Variants in TMTC2 observed in about 807,000 individuals in gnomAD.
TMTC2 encodes the protein protein O-mannosyl-transferase TMTC2.
TMTC2 carries 43 observed loss-of-function variants against 82.4 expected under a neutral mutation model. That is an observed-to-expected ratio of 0.52 (90% CI 0.41 to 0.67). The LOEUF is 0.67. TMTC2 is among the 30% of genes least tolerant of loss of function. TMTC2 has a pLI of 0.00. For missense variants in TMTC2, 919 were observed against 1,012.4 expected, an observed-to-expected ratio of 0.91 and a Z score of 1.25; for synonymous variants, 408 against 381.9, an observed-to-expected ratio of 1.07 and a Z score of -0.80.
chr12:82,745,930 C>A (rs1471488047), intron 1 of TMTC2, among the ~76,000 whole-genome samples: 1 of 152,096 alleles, frequency 6.6e-6, no homozygotes, highest in Non-Finnish European at 1.5e-5. Context: ...TGTGGCAGAA[C>A]GATTTGTTCT....
intron 1 of TMTC2, among the ~76,000 whole-genome samples, chr12:82,853,251 T>C (rs895259335): frequency 1.5e-4 from 23 of 152,100 alleles, no homozygotes; most frequent in African/African-American, 5.3e-4. Flanking sequence ...TATAGGTGCC[T>C]GCCACCATGC....
intron 3 of TMTC2, among the ~76,000 whole-genome samples, chr12:82,924,491 T>C (rs1875583684): frequency 6.6e-6 from 1 of 152,180 alleles, no homozygotes; most frequent in Non-Finnish European, 1.5e-5. Context: ...GGTAATTGTG[T>C]ATAATTGTGT....
chr12:83,104,294 C>T (rs759870107), intron 11 of TMTC2, among the ~76,000 whole-genome samples: 22 of 152,270 alleles, frequency 1.4e-4, no homozygotes, highest in Non-Finnish European at 2.4e-4. Context: ...GGCAGTGCCC[C>T]GTGGGGGGTT....
intron 8 of TMTC2, among the ~76,000 whole-genome samples, chr12:83,029,700 G>A (rs901012035): frequency 2.6e-5 from 4 of 152,110 alleles, no homozygotes; most frequent in Admixed American, 1.3e-4. Context: ...ACTGCTCCAG[G>A]CAAGTGCTTA....
In TMTC2 at chr12:82,971,781, T is replaced by TA. The variant is rs774765589; in HGVS notation, c.1948+4786dup. Among the ~76,000 whole-genome samples, 16 of 144,434 alleles carry TA rather than the reference T, an allele frequency of 1.1e-4. No individual in the cohort carries two copies. In the East Asian group the frequency reaches 1.6e-3, roughly 15 times the overall value. The allele number at this position is 144,434 out of a possible 152,430, so 94.8% of individuals were successfully genotyped here. A position where few individuals can be genotyped will look rare whatever the true frequency, so the allele number is the denominator to read the frequency against. Reference sequence around the variant, plus strand: ...GTAACTGTCTTGTCATTTCAGTCTATAATAACTGTTTAGAATAACCTCTGT... The same window carrying TA: ...GTAACTGTCTTGTCATTTCAGTCTATAAATAACTGTTTAGAATAACCTCTGT... On this transcript the variant is annotated intron_variant, in intron 7 of 11. Transcript: ENST00000321196.
At chr12:82,693,697 C>T (rs1019519463) in intron 1 of TMTC2, among the ~76,000 whole-genome samples, 3 of 151,870 alleles carry the variant, frequency 2.0e-5, no homozygotes, top group Admixed American at 6.6e-5. Flanking sequence ...TGGCCGGGCG[C>T]GGTGGCTCAC....
chr12:83,080,080 T>A (rs999910956), intron 11 of TMTC2, among the ~76,000 whole-genome samples: 1 of 152,172 alleles, frequency 6.6e-6, no homozygotes, highest in Non-Finnish European at 1.5e-5. Context: ...CATTTTATTT[T>A]CCAGTATACT....
chr12:82,696,593 C>CT (rs1051469283), intron 1 of TMTC2, among the ~76,000 whole-genome samples: 1 of 152,108 alleles, frequency 6.6e-6, no homozygotes, highest in Non-Finnish European at 1.5e-5. Flanking sequence ...TTTAAATTTA[C>CT]TTTTTTTCTT....
chr12:83,011,404 A>G (rs1880452411), intron 8 of TMTC2, among the ~76,000 whole-genome samples: 3 of 152,368 alleles, frequency 2.0e-5, no homozygotes, highest in South Asian at 4.1e-4. Flanking sequence ...GAGTCCATAC[A>G]TGAACATAAG....
intron 11 of TMTC2, among the ~76,000 whole-genome samples, chr12:83,111,938 G>A (rs1190496741): frequency 1.3e-5 from 2 of 148,900 alleles, no homozygotes; most frequent in East Asian, 2.0e-4. Context: ...GCAAAACCTC[G>A]TCTCTACAAA....
At chr12:82,729,769 C>G (rs937806795) in intron 1 of TMTC2, among the ~76,000 whole-genome samples, 1 of 152,212 alleles carries the variant, frequency 6.6e-6, no homozygotes, top group African/African-American at 2.4e-5. Flanking sequence ...GTTTTCCGTG[C>G]TGTGGTAGCT....
At chr12:82,709,763 T>C (rs1206798560) in intron 1 of TMTC2, among the ~76,000 whole-genome samples, 1 of 152,220 alleles carries the variant, frequency 6.6e-6, no homozygotes, top group African/African-American at 2.4e-5. Flanking sequence ...AAGGGTATCA[T>C]AATATTTTGA....
At chr12:82,900,921 TGGAATATATATATA>T (rs1301284496) in intron 3 of TMTC2, among the ~76,000 whole-genome samples, 1 of 108,218 alleles carries the variant, frequency 9.2e-6, no homozygotes, top group South Asian at 3.1e-4. Flanking sequence ...TATATATATC[TGGAATATATATATA>T]GGAATATATA....
intron 11 of TMTC2, among the ~76,000 whole-genome samples, chr12:83,071,149 GT>G (rs1184982886): frequency 1.6e-4 from 20 of 126,632 alleles, no homozygotes; most frequent in East Asian, 4.6e-4. Context: ...GTCTGTAGTT[GT>G]TTTTTTTTTT....
chr12:83,003,719 T>C (rs1290093501), intron 8 of TMTC2, among the ~76,000 whole-genome samples: 1 of 152,190 alleles, frequency 6.6e-6, no homozygotes, highest in African/African-American at 2.4e-5. Context: ...ATTTCATTTC[T>C]TTAAGGATGC....
At position 82,909,365 on chromosome 12, in the gene TMTC2, A is replaced by G. The variant is rs1375043107; in HGVS notation, c.1483+12719A>G. ...TTTTGTTTGTTTGTTTTTGAGATGG[A>G]GTCTCACTCTGTCGCCCAGGCTGGG... On this transcript the variant is annotated intron_variant, in intron 3 of 11. Transcript: ENST00000321196. Among the ~76,000 whole-genome samples the G allele has an allele frequency of 2.6e-5, 4 of 151,958 alleles. No individual in the cohort carries two copies. In the East Asian group the frequency reaches 7.8e-4, roughly 29 times the overall value.
chr12:83,045,707 T>A (rs893844781), intron 9 of TMTC2, among the ~76,000 whole-genome samples: 9 of 122,704 alleles, frequency 7.3e-5, no homozygotes, highest in South Asian at 5.3e-4. Flanking sequence ...AAGGGCTCCT[T>A]CACACACACA....
chr12:82,838,034 A>G (rs1307827636), intron 1 of TMTC2, among the ~76,000 whole-genome samples: 1 of 152,202 alleles, frequency 6.6e-6, no homozygotes, highest in East Asian at 1.9e-4. Context: ...GAGAACACAT[A>G]ATGTATATAA....
At chr12:82,955,160 A>C (rs1418198340) in intron 4 of TMTC2, among the ~76,000 whole-genome samples, 1 of 152,150 alleles carries the variant, frequency 6.6e-6, no homozygotes. Context: ...GTGCCTTGTA[A>C]GATGTTTAAA....
Sources: allele counts gnomAD v4.1 joint callset (sites outside exome capture counted in the v4.1 genomes callset), GRCh38; gene constraint gnomAD v4.1.1; transcripts MANE v1.5; gene names NCBI Gene and HGNC (gene_info 2026-07-23, HGNC 2026-07-21).